NPEPPS: variants seen among roughly 807,000 people sequenced by gnomAD.
NPEPPS encodes aminopeptidase puromycin sensitive.
A neutral mutation model predicts 115.5 loss-of-function variants in NPEPPS; 14 were observed. That is an observed-to-expected ratio of 0.12 (90% CI 0.08 to 0.19). The LOEUF (loss-of-function observed/expected upper bound fraction) is 0.19, where lower values mean the gene tolerates loss of function less well. Ranked by LOEUF, NPEPPS falls within the 10% of genes least tolerant of loss-of-function variation. The pLI, the probability that NPEPPS is intolerant of heterozygous loss-of-function variation, is 1.00. For synonymous variants in NPEPPS, 285 were observed against 390.6 expected (o/e 0.73, Z 3.19); for missense variants, 523 against 1,110.8 (o/e 0.47, Z 7.52).
At chr17:47,575,446 A>G (rs964230154) in intron 3 of NPEPPS, among the ~76,000 whole-genome samples, 1 of 151,856 alleles carries the variant, frequency 6.6e-6, no homozygotes, top group Non-Finnish European at 1.5e-5. Flanking sequence ...AAGTTAGAGA[A>G]GGTTATGACC....
At chr17:47,531,649 G>A in intron 1 of NPEPPS, 94 bp downstream of exon 1, 6 of 1,405,900 alleles carry the variant, frequency 4.3e-6, no homozygotes, top group Non-Finnish European at 5.5e-6. Flanking sequence ...GAGGGCGGGC[G>A]GGCCTCGGGT....
chr17:47,584,914 G>A (rs760885237), intron 5 of NPEPPS, among the ~76,000 whole-genome samples: 16 of 152,074 alleles, frequency 1.1e-4, no homozygotes, highest in Non-Finnish European at 2.1e-4. Context: ...TGCAAGCTCC[G>A]CCTCCCTAGT....
intron 15 of NPEPPS, 195 bp from the exon 16 acceptor site, chr17:47,603,719 AG>A (rs1365597529): frequency 4.0e-5 from 18 of 446,888 alleles, no homozygotes; most frequent in Admixed American, 2.4e-4. Flanking sequence ...CACAATTTCA[AG>A]TTTCCCTTTT....
chr17:47,542,376 G>A (rs1340984793), intron 1 of NPEPPS, among the ~76,000 whole-genome samples: 5 of 151,788 alleles, frequency 3.3e-5, no homozygotes, highest in African/African-American at 7.3e-5. Flanking sequence ...GAGAAACCCC[G>A]TCTCTACTAG....
At chr17:47,621,084 G>GGT (rs1303102866) in intron 22 of NPEPPS, among the ~76,000 whole-genome samples, 2 of 150,456 alleles carry the variant, frequency 1.3e-5, no homozygotes, top group African/African-American at 4.9e-5. Flanking sequence ...AGGAAGTTAA[G>GGT]GTGGGAGGTT....
chr17:47,569,046 T>C (rs1224433820), intron 2 of NPEPPS, among the ~76,000 whole-genome samples: 1 of 152,220 alleles, frequency 6.6e-6, no homozygotes, highest in Admixed American at 6.5e-5. Context: ...CCTTGATGTA[T>C]CTTTAACACT....
chr17:47,572,920 C>T (rs1911287226), intron 3 of NPEPPS, among the ~76,000 whole-genome samples: 2 of 152,146 alleles, frequency 1.3e-5, no homozygotes, highest in Admixed American at 1.3e-4. Context: ...AGATTACAGG[C>T]ACATACCACC....
chr17:47,570,508 G>A (rs1461715654), intron 3 of NPEPPS, among the ~76,000 whole-genome samples: 2 of 152,188 alleles, frequency 1.3e-5, no homozygotes, highest in African/African-American at 2.4e-5. Context: ...AGATGATTTT[G>A]ATATACAACC....
intron 1 of NPEPPS, among the ~76,000 whole-genome samples, chr17:47,543,948 G>C (rs761355755): frequency 6.9e-6 from 1 of 144,356 alleles, no homozygotes; most frequent in Non-Finnish European, 1.5e-5. Flanking sequence ...AGGCTGGAGC[G>C]CAGTGGCACA....
chr17:47,576,063 T>A (rs1256744614), intron 3 of NPEPPS, among the ~76,000 whole-genome samples: 1 of 152,198 alleles, frequency 6.6e-6, no homozygotes, highest in East Asian at 1.9e-4. Flanking sequence ...AGGAGGACAT[T>A]AATAATCTTT....
chr17:47,543,264 T>C (rs577179066), intron 1 of NPEPPS, among the ~76,000 whole-genome samples: 1 of 151,886 alleles, frequency 6.6e-6, no homozygotes, highest in Non-Finnish European at 1.5e-5. Flanking sequence ...ACCAATGTTA[T>C]TAGTAATCAG....
chr17:47,584,640 AG>A (rs980575337), intron 5 of NPEPPS, among the ~76,000 whole-genome samples: 2 of 152,180 alleles, frequency 1.3e-5, no homozygotes, highest in Non-Finnish European at 2.9e-5. Context: ...CTTCCTTGGA[AG>A]GAAGAATAGA....
At chr17:47,534,299 T>C (rs1460147261) in intron 1 of NPEPPS, among the ~76,000 whole-genome samples, 1 of 152,014 alleles carries the variant, frequency 6.6e-6, no homozygotes, top group Non-Finnish European at 1.5e-5. Context: ...TACTGTGGTC[T>C]CGACCTCCTG....
At chr17:47,618,017 G>A (rs908465749) in intron 19 of NPEPPS, among the ~76,000 whole-genome samples, 3 of 152,006 alleles carry the variant, frequency 2.0e-5, no homozygotes, top group African/African-American at 4.8e-5. Context: ...GGGATTACAG[G>A]TGGGCACCAC....
intron 5 of NPEPPS, 133 bp from the exon 6 acceptor site, chr17:47,585,367 G>A (rs1232447406): frequency 3.2e-6 from 2 of 630,350 alleles, no homozygotes; most frequent in African/African-American, 1.8e-5. Flanking sequence ...GGATGAATTG[G>A]GGTAGAGAAA....
At chr17:47,552,450 T>G (rs181502853) in intron 2 of NPEPPS, among the ~76,000 whole-genome samples, 491 of 152,324 alleles carry the variant, frequency 3.2e-3, no homozygotes, top group African/African-American at 0.011. Flanking sequence ...AAATCAGAGA[T>G]AAAGAACATG....
Position 47,559,941 on chromosome 17 carries a change from C to G in NPEPPS, c.341-9476C>G, listed in dbSNP as rs189435975. Among the ~76,000 whole-genome samples, 41 of 152,326 alleles carry G rather than the reference C, an allele frequency of 2.7e-4. No homozygotes were observed. The East Asian group carries it at 2.7e-3, about 10-fold the overall frequency. On this transcript the variant is annotated intron_variant, in intron 2 of 22. Transcript: ENST00000322157. The stretch of plus-strand genomic sequence containing the variant: ...AGTGTTGATGGTCCCTGGATTCCCA[C>G]TTTTGTCCCTGGGGCCTATAGCCTC...
intron 2 of NPEPPS, among the ~76,000 whole-genome samples, chr17:47,562,575 A>G (rs1163948034): frequency 1.3e-5 from 2 of 151,286 alleles, no homozygotes; most frequent in East Asian, 3.9e-4. Context: ...ATCATGCTCA[A>G]GTATTAATGT....
chr17:47,539,248 T>C lies in NPEPPS; in HGVS notation c.256-6661T>C, dbSNP rs540020445. Among the ~76,000 whole-genome samples the C allele has an allele frequency of 3.9e-5, 6 of 152,242 alleles. 1 individual carries two copies. Among genetic ancestry groups the C allele is most frequent in the East Asian group, 3.9e-4 (2 of 5,192 alleles). On this transcript the variant is annotated intron_variant, in intron 1 of 22. Coordinates refer to ENST00000322157, the MANE Select transcript of NPEPPS (RefSeq NM_006310.4). The stretch of plus-strand genomic sequence containing the variant: ...TGCCACATAAATGAGCCTGCTCTTA[T>C]TGTGAAGTAAATCTTACTCTAATCT...
Sources: allele counts gnomAD v4.1 joint callset (sites outside exome capture counted in the v4.1 genomes callset), GRCh38; gene constraint gnomAD v4.1.1; transcripts MANE v1.5; gene names NCBI Gene and HGNC (gene_info 2026-07-23, HGNC 2026-07-21).